The following SLC6A11 variants were observed in gnomAD, a reference collection of about 807,000 sequenced individuals.
SLC6A11 encodes the protein sodium- and chloride-dependent GABA transporter 3.
In SLC6A11, 25 loss-of-function variants were observed where a neutral mutation model predicts 74.8. The observed-to-expected ratio is 0.33, with a 90% CI of 0.24 to 0.47. The LOEUF (loss-of-function observed/expected upper bound fraction) is 0.47. Ranked by LOEUF, SLC6A11 falls within the 20% of genes least tolerant of loss-of-function variation. SLC6A11 has a pLI of 1.00. For missense variants in SLC6A11, 574 were observed against 837.0 expected (o/e 0.69, Z 3.88); for synonymous variants, 330 against 330.2 (o/e 1.00, Z 0.01).
intron 4 of SLC6A11, among the ~76,000 whole-genome samples, chr3:10,843,045 G>A (rs1296390805): frequency 6.6e-6 from 1 of 152,160 alleles, no homozygotes; most frequent in African/African-American, 2.4e-5. Context: ...ATGGTCTGAT[G>A]GGGGTTGGTT....
intron 12 of SLC6A11, 44 bp from the exon 13 acceptor site, chr3:10,934,985 G>T: frequency 6.4e-7 from 1 of 1,568,148 alleles, no homozygotes; most frequent in Non-Finnish European, 8.7e-7. Context: ...GCCTAGCAGG[G>T]CTGAGGGCCC....
chr3:10,926,246 C>T lies in SLC6A11; in HGVS notation c.1233+130C>T. On this transcript the variant is annotated intron_variant, in intron 9 of 13. Transcript: ENST00000254488. The surrounding 1 kb of genome is among the most constrained non-coding windows in gnomAD (Gnocchi z 5.7). ...GGCCCTGGCATCAGGGCCCTGCCCACCGTCCCCCATTCCACCCTCCACTTC... is the reference window on the plus strand; with the variant it reads ...GGCCCTGGCATCAGGGCCCTGCCCATCGTCCCCCATTCCACCCTCCACTTC... The T allele has an allele frequency of 3.1e-6, 2 of 640,298 alleles. No homozygotes were observed. The highest frequency in any genetic ancestry group is 5.6e-6 in the Non-Finnish European group (2 of 358,898). 39.7% of individuals were successfully genotyped at this position (640,298 alleles called of 1,614,324 possible). A position where few individuals can be genotyped will look rare whatever the true frequency, so the allele number is the denominator to read the frequency against.
chr3:10,928,224 T>C (rs1695635509), intron 9 of SLC6A11, among the ~76,000 whole-genome samples: 1 of 152,160 alleles, frequency 6.6e-6, no homozygotes, highest in African/African-American at 2.4e-5. Flanking sequence ...AGCCTCTCCC[T>C]CCTCTGTGCC....
At chr3:10,933,997 C>CCATT (rs1200950579) in intron 11 of SLC6A11, 69 bp from the exon 12 acceptor site, 5 of 1,016,712 alleles carry the variant, frequency 4.9e-6, no homozygotes, top group East Asian at 2.4e-5. Context: ...ACACTCCTAG[C>CCATT]CATTCCTCTG....
chr3:10,842,650 G>C (rs1694452490), intron 4 of SLC6A11, among the ~76,000 whole-genome samples: 1 of 152,062 alleles, frequency 6.6e-6, no homozygotes, highest in Non-Finnish European at 1.5e-5. Context: ...TCCTAGTAGA[G>C]AGCAAGGGCC....
chr3:10,860,730 T>A lies in SLC6A11; in HGVS notation c.757-14231T>A, dbSNP rs932624380. On this transcript the variant is annotated intron_variant, in intron 5 of 13. Coordinates refer to ENST00000254488, the MANE Select transcript of SLC6A11 (RefSeq NM_014229.3). ...TTCCTCCCTGTCAAAAGGTTTATCC[T>A]TGAAGAGGGGGAAGCAGGGAGGCTG... 2.0e-5 allele frequency among the ~76,000 whole-genome samples: 3 copies of A among 152,262 alleles called. No individual in the cohort carries two copies. The South Asian group carries it at 6.2e-4, about 32-fold the overall frequency.
At chr3:10,862,170 A>G (rs1282414715) in intron 5 of SLC6A11, among the ~76,000 whole-genome samples, 1 of 152,182 alleles carries the variant, frequency 6.6e-6, no homozygotes, top group Non-Finnish European at 1.5e-5. Context: ...CTTGGTCACC[A>G]TGGTGACACC....
At chr3:10,909,544 C>T (rs1575698708) in intron 6 of SLC6A11, among the ~76,000 whole-genome samples, 1 of 152,196 alleles carries the variant, frequency 6.6e-6, no homozygotes, top group Admixed American at 6.5e-5. Flanking sequence ...GGAGCCAGCT[C>T]TCCCACAACT....
chr3:10,845,696 C>A (rs1446999574), intron 5 of SLC6A11, among the ~76,000 whole-genome samples: 1 of 152,162 alleles, frequency 6.6e-6, no homozygotes, highest in African/African-American at 2.4e-5. Context: ...GCTGAGGGTG[C>A]ACTTAAAACA....
chr3:10,916,607 A>G (rs1695457569), intron 7 of SLC6A11, among the ~76,000 whole-genome samples: 1 of 152,244 alleles, frequency 6.6e-6, no homozygotes, highest in African/African-American at 2.4e-5. Context: ...AAATCCAATC[A>G]TGCAAGCCCA....
At chr3:10,850,029 G>A (rs1003070726) in intron 5 of SLC6A11, among the ~76,000 whole-genome samples, 1 of 152,022 alleles carries the variant, frequency 6.6e-6, no homozygotes, top group Non-Finnish European at 1.5e-5. Flanking sequence ...GAAGCAATGT[G>A]GAGTCATTGC....
chr3:10,929,084 T>A, intron 9 of SLC6A11, 118 bp from the exon 10 acceptor site: 1 of 1,036,618 alleles, frequency 9.6e-7, no homozygotes. Context: ...CTCGTCTGCA[T>A]TAATGGGTGT....
chr3:10,851,801 G>A (rs1694580074), intron 5 of SLC6A11, among the ~76,000 whole-genome samples: 2 of 152,240 alleles, frequency 1.3e-5, no homozygotes, highest in Non-Finnish European at 2.9e-5. Context: ...ACTGGGCAGG[G>A]GGCAGTTTTT....
chr3:10,898,284 C>A (rs983028625), intron 6 of SLC6A11, among the ~76,000 whole-genome samples: 1 of 152,244 alleles, frequency 6.6e-6, no homozygotes, highest in African/African-American at 2.4e-5. Context: ...CAAATTTCTG[C>A]AGTCAGCTTG....
rs1012845437 is a variant in SLC6A11, at chr3:10,915,216, C to G, written c.995+3023C>G. The stretch of plus-strand genomic sequence containing the variant: ...GGAGTTGAAGAGGGTTTGGCCAAAA[C>G]TGCCTTGTCTCCAGCCTGTGTCTTG... On this transcript the variant is annotated intron_variant, in intron 7 of 13. Coordinates refer to ENST00000254488, the MANE Select transcript of SLC6A11 (RefSeq NM_014229.3). This position sits in a 1 kb window ranked among gnomAD's most constrained non-coding sequence, Gnocchi z 4.3. Among the ~76,000 whole-genome samples, 23 of 152,124 alleles carry G rather than the reference C, an allele frequency of 1.5e-4. No homozygotes were observed. Among genetic ancestry groups the G allele is most frequent in the Admixed American group, 9.2e-4 (14 of 15,278 alleles).
In SLC6A11 at chr3:10,926,470, A is replaced by G. The variant is rs1257572470; in HGVS notation, c.1233+354A>G. 6.6e-6 allele frequency among the ~76,000 whole-genome samples: 1 copy of G among 152,212 alleles called. No homozygotes were observed. The highest frequency in any genetic ancestry group is 1.5e-5 in the Non-Finnish European group (1 of 68,044). ...TCCTGCCAACAGCACTGCCTGGCAC[A>G]GCAGAAGAGAGTCTCAGAGAGTGAG... is the stretch of plus-strand genomic sequence containing the variant. On this transcript the variant is annotated intron_variant, in intron 9 of 13. Transcript: ENST00000254488. This position sits in a 1 kb window ranked among gnomAD's most constrained non-coding sequence, Gnocchi z 5.7.
intron 5 of SLC6A11, among the ~76,000 whole-genome samples, chr3:10,846,593 G>T (rs1358192000): frequency 6.6e-6 from 1 of 152,232 alleles, no homozygotes; most frequent in Non-Finnish European, 1.5e-5. Context: ...TGCTGACTGG[G>T]CGATTAAGTC....
At chr3:10,937,579 A>G (rs1321104497) in intron 13 of SLC6A11, among the ~76,000 whole-genome samples, 1 of 152,252 alleles carries the variant, frequency 6.6e-6, no homozygotes, top group Admixed American at 6.5e-5. Flanking sequence ...TGGGGAGTGC[A>G]GATGAAGCTG....
intron 8 of SLC6A11, among the ~76,000 whole-genome samples, chr3:10,921,684 A>G (rs1695539101): frequency 6.6e-6 from 1 of 152,198 alleles, no homozygotes; most frequent in African/African-American, 2.4e-5. Context: ...ATTAAAAGGC[A>G]GAGATTATCA....
Sources: allele counts gnomAD v4.1 joint callset (sites outside exome capture counted in the v4.1 genomes callset), GRCh38; gene constraint gnomAD v4.1.1; non-coding constraint Gnocchi (gnomAD v3.1); transcripts MANE v1.5; gene names NCBI Gene and HGNC (gene_info 2026-07-23, HGNC 2026-07-21).